Variants in NUBPL observed in about 807,000 individuals in gnomAD.
NUBPL encodes iron-sulfur cluster transfer protein NUBPL.
NUBPL carries 31 observed loss-of-function variants against 45.7 expected under a neutral mutation model. The observed-to-expected ratio is 0.68, with a 90% CI of 0.51 to 0.92. The LOEUF is 0.92. Among genes scored for constraint, NUBPL ranks in the 40% least tolerant of loss-of-function variants. NUBPL has a pLI of 0.00. For synonymous variants in NUBPL, 144 were observed against 140.9 expected (o/e 1.02, Z -0.15); for missense variants, 401 against 398.7 (o/e 1.01, Z -0.05).
At chr14:31,837,620 C>T (rs2040302564) in intron 8 of NUBPL, among the ~76,000 whole-genome samples, 1 of 151,884 alleles carries the variant, frequency 6.6e-6, no homozygotes, top group African/African-American at 2.4e-5. Context: ...AACATGAAAA[C>T]CACATAAAAA....
At chr14:31,767,175 A>G (rs765507215) in intron 6 of NUBPL, among the ~76,000 whole-genome samples, 1 of 152,016 alleles carries the variant, frequency 6.6e-6, no homozygotes, top group Non-Finnish European at 1.5e-5. Flanking sequence ...GCCAGGACAA[A>G]CAGCTGCTAT....
intron 4 of NUBPL, among the ~76,000 whole-genome samples, chr14:31,617,011 A>G (rs1315969467): frequency 6.6e-6 from 1 of 151,856 alleles, no homozygotes; most frequent in Non-Finnish European, 1.5e-5. Context: ...TTGTATTCCT[A>G]GGTATTTTAT....
At chr14:31,622,638 GC>G (rs2035094888) in intron 4 of NUBPL, among the ~76,000 whole-genome samples, 1 of 152,228 alleles carries the variant, frequency 6.6e-6, no homozygotes, top group African/African-American at 2.4e-5. Flanking sequence ...TATGGCTCAG[GC>G]CATTCTTTCA....
intron 6 of NUBPL, among the ~76,000 whole-genome samples, chr14:31,736,273 A>G (rs1445264107): frequency 6.6e-6 from 1 of 152,200 alleles, no homozygotes; most frequent in African/African-American, 2.4e-5. Flanking sequence ...TTTAACATTA[A>G]AATGTGTAAA....
At chr14:31,641,741 T>C (rs2035706745) in intron 4 of NUBPL, among the ~76,000 whole-genome samples, 1 of 152,232 alleles carries the variant, frequency 6.6e-6, no homozygotes, top group African/African-American at 2.4e-5. Flanking sequence ...TTTTAGTTTT[T>C]TAAGGAAGCT....
chr14:31,853,705 T>C (rs1471632464), intron 10 of NUBPL, among the ~76,000 whole-genome samples: 1 of 152,212 alleles, frequency 6.6e-6, no homozygotes, highest in Admixed American at 6.5e-5. Flanking sequence ...AATAGTCTGC[T>C]GCTTGCTCAG....
intron 6 of NUBPL, among the ~76,000 whole-genome samples, chr14:31,694,423 A>T (rs1410614893): frequency 6.6e-6 from 1 of 152,176 alleles, no homozygotes; most frequent in Non-Finnish European, 1.5e-5. Flanking sequence ...TCACTCATTT[A>T]GTAATTATTT....
At chr14:31,633,898 T>G (rs1019522430) in intron 4 of NUBPL, among the ~76,000 whole-genome samples, 1 of 152,146 alleles carries the variant, frequency 6.6e-6, no homozygotes, top group African/African-American at 2.4e-5. Context: ...ATAATTGCCG[T>G]TCTGGTTGCC....
intron 7 of NUBPL, among the ~76,000 whole-genome samples, chr14:31,814,594 A>G (rs149993805): frequency 0.076 from 11,608 of 151,944 alleles, 493 homozygotes; most frequent in Non-Finnish European, 0.092. Flanking sequence ...TGGTGTTTTA[A>G]TCATGAAGTC....
At chr14:31,781,944 G>T (rs1009839908) in intron 6 of NUBPL, among the ~76,000 whole-genome samples, 11 of 151,498 alleles carry the variant, frequency 7.3e-5, no homozygotes, top group African/African-American at 2.4e-4. Context: ...ACTTTCTTAC[G>T]TCTCTCTCCC....
At chr14:31,610,137 A>G (rs1209164832) in intron 4 of NUBPL, among the ~76,000 whole-genome samples, 1 of 152,144 alleles carries the variant, frequency 6.6e-6, no homozygotes, top group African/African-American at 2.4e-5. Flanking sequence ...TGCTTTTTAA[A>G]AAGATTGACA....
chr14:31,832,841 A>G (rs953480574), intron 8 of NUBPL, among the ~76,000 whole-genome samples: 8 of 152,286 alleles, frequency 5.3e-5, no homozygotes, highest in East Asian at 3.9e-4. Context: ...AGTTTTCTCA[A>G]TCATCATATG....
intron 4 of NUBPL, among the ~76,000 whole-genome samples, chr14:31,644,444 C>T (rs573126788): frequency 6.6e-6 from 1 of 152,092 alleles, no homozygotes; most frequent in African/African-American, 2.4e-5. Flanking sequence ...TAATTTCCAT[C>T]TGTTTGTGTA....
At chr14:31,759,419 A>G (rs1413615457) in intron 6 of NUBPL, among the ~76,000 whole-genome samples, 2 of 151,896 alleles carry the variant, frequency 1.3e-5, no homozygotes, top group Non-Finnish European at 2.9e-5. Context: ...TATATTTATT[A>G]ATTTTGAAAT....
intron 7 of NUBPL, among the ~76,000 whole-genome samples, chr14:31,792,599 T>C (rs1050612190): frequency 6.6e-6 from 1 of 152,054 alleles, no homozygotes; most frequent in Non-Finnish European, 1.5e-5. Flanking sequence ...TTAAAATGGA[T>C]AACAATGAAA....
intron 8 of NUBPL, among the ~76,000 whole-genome samples, chr14:31,841,061 T>C (rs1200004466): frequency 6.6e-6 from 1 of 152,262 alleles, no homozygotes; most frequent in African/African-American, 2.4e-5. Context: ...TAGCATTCCA[T>C]TAAATATATC....
chr14:31,670,673 C>T (rs2036549787), intron 4 of NUBPL, among the ~76,000 whole-genome samples: 1 of 152,078 alleles, frequency 6.6e-6, no homozygotes, highest in African/African-American at 2.4e-5. Context: ...AGGGGTCCAG[C>T]TTCAATTTCT....
At chr14:31,627,627 G>C (rs746841172) in intron 4 of NUBPL, among the ~76,000 whole-genome samples, 1 of 151,888 alleles carries the variant, frequency 6.6e-6, no homozygotes, top group Admixed American at 6.6e-5. Context: ...TTAGCCAGAC[G>C]TGGTGGCGGG....
At chr14:31,848,904 A>AG (rs2040495074) in intron 9 of NUBPL, among the ~76,000 whole-genome samples, 4 of 152,232 alleles carry the variant, frequency 2.6e-5, no homozygotes, top group Non-Finnish European at 2.9e-5. Flanking sequence ...ATGACAGTTC[A>AG]TAAATTGAGA....
Sources: gnomAD v4.1 joint callset for allele counts (sites outside exome capture counted in the v4.1 genomes callset) on GRCh38, gnomAD v4.1.1 for gene constraint, MANE v1.5 for transcripts, NCBI Gene and HGNC (gene_info 2026-07-23, HGNC 2026-07-21) for gene names.